ADAM18: variants seen among roughly 807,000 people sequenced by gnomAD.
ADAM18 encodes disintegrin and metalloproteinase domain-containing protein 18.
A neutral mutation model predicts 94.4 loss-of-function variants in ADAM18; 117 were observed. That is an observed-to-expected ratio of 1.24 (90% confidence interval 1.07 to 1.45). The LOEUF is 1.45. Among genes scored for constraint, ADAM18 ranks in the 40% most tolerant of loss-of-function variants. The pLI, the probability that ADAM18 is intolerant of heterozygous loss-of-function variation, is 0.00. For synonymous variants in ADAM18, 327 were observed against 291.6 expected (o/e 1.12, Z -1.24); for missense variants, 936 against 880.0 (o/e 1.06, Z -0.81).
intron 16 of ADAM18, among the ~76,000 whole-genome samples, chr8:39,689,769 C>T (rs1225684369): frequency 6.6e-6 from 1 of 152,094 alleles, no homozygotes; most frequent in Non-Finnish European, 1.5e-5. Flanking sequence ...TGACATTGAA[C>T]CTAAAAATTG....
intron 2 of ADAM18, among the ~76,000 whole-genome samples, chr8:39,595,796 T>A (rs1818725099): frequency 6.6e-6 from 1 of 152,238 alleles, no homozygotes; most frequent in Non-Finnish European, 1.5e-5. Flanking sequence ...AGTGCTGGGA[T>A]TGCAGGAGTG....
At chr8:39,678,181 T>TA (rs1339760220) in intron 15 of ADAM18, among the ~76,000 whole-genome samples, 1 of 152,118 alleles carries the variant, frequency 6.6e-6, no homozygotes, top group Non-Finnish European at 1.5e-5. Context: ...GGGAATAACA[T>TA]AAAAAATTTA....
chr8:39,712,348 C>G lies in ADAM18; in HGVS notation c.2017+5444C>G, dbSNP rs542894592. On this transcript the variant is annotated intron_variant, in intron 18 of 19. Coordinates refer to ENST00000265707, the MANE Select transcript of ADAM18 (RefSeq NM_014237.3). ...CACAGCCAATATCATACCAAATGGG[C>G]AAAAACTGGAAGCATTCCCTTTGAA... Among the ~76,000 whole-genome samples, 312 of 152,180 alleles carry G rather than the reference C, an allele frequency of 2.1e-3. 3 individuals are homozygous for G. The highest frequency in any genetic ancestry group is 3.8e-3 in the Non-Finnish European group (259 of 68,010).
Position 39,611,760 on chromosome 8 carries a change from G to A in ADAM18, c.522+1054G>A, listed in dbSNP as rs182292252. 2.0e-5 allele frequency among the ~76,000 whole-genome samples: 3 copies of A among 151,756 alleles called. No individual in the cohort carries two copies. The East Asian group carries it at 5.8e-4, about 29-fold the overall frequency. On this transcript the variant is annotated intron_variant, in intron 6 of 19. Coordinates refer to ENST00000265707, the MANE Select transcript of ADAM18 (RefSeq NM_014237.3). ...AAAAAAAGTGCCTATAGGTTGTGAT[G>A]GGAACCAAATGTATAAAAAATAGAG... is the stretch of plus-strand genomic sequence containing the variant.
chr8:39,695,192 A>G (rs529807241), intron 17 of ADAM18, among the ~76,000 whole-genome samples: 1 of 151,720 alleles, frequency 6.6e-6, no homozygotes, highest in Admixed American at 6.6e-5. Flanking sequence ...GTTGCTATAA[A>G]CACTCATTTA....
At chr8:39,687,078 C>T (rs1370714833) in intron 16 of ADAM18, among the ~76,000 whole-genome samples, 3 of 152,088 alleles carry the variant, frequency 2.0e-5, no homozygotes, top group Admixed American at 6.6e-5. Context: ...TTAAGTGAAA[C>T]ATGTTCAGTT....
chr8:39,680,667 T>C (rs1384466072), intron 16 of ADAM18, among the ~76,000 whole-genome samples: 2 of 152,208 alleles, frequency 1.3e-5, no homozygotes, highest in Non-Finnish European at 2.9e-5. Flanking sequence ...ATAGTGCATA[T>C]ACAGGCTCAT....
chr8:39,644,361 G>C (rs935163759), intron 10 of ADAM18, among the ~76,000 whole-genome samples: 1 of 152,046 alleles, frequency 6.6e-6, no homozygotes, highest in Non-Finnish European at 1.5e-5. Flanking sequence ...GGTGCAATCA[G>C]CTCACTGCAA....
chr8:39,643,977 A>G (rs923806431), intron 10 of ADAM18, among the ~76,000 whole-genome samples: 3 of 151,982 alleles, frequency 2.0e-5, no homozygotes, highest in South Asian at 2.1e-4. Flanking sequence ...ACTTTTAAGC[A>G]TATTTATTAC....
intron 6 of ADAM18, among the ~76,000 whole-genome samples, chr8:39,624,120 T>G (rs1032006444): frequency 3.3e-5 from 5 of 152,236 alleles, no homozygotes; most frequent in African/African-American, 1.2e-4. Flanking sequence ...TTTGTTCTGA[T>G]GATTACTTCT....
chr8:39,714,827 A>G (rs140553129), intron 18 of ADAM18, among the ~76,000 whole-genome samples: 8 of 152,188 alleles, frequency 5.3e-5, no homozygotes, highest in Admixed American at 2.0e-4. Context: ...TCAATATTAT[A>G]ATGAAACATT....
Position 39,665,512 on chromosome 8 carries a change from T to G in ADAM18, c.1326+1622T>G, listed in dbSNP as rs1447905767. On this transcript the variant is annotated intron_variant, in intron 13 of 19. Transcript: ENST00000265707. ...GTAAATATGGAACTTTATAGGAAATTGAAAAACAGTCTTTCAAAGCAACTG... is the reference window on the plus strand; with the variant it reads ...GTAAATATGGAACTTTATAGGAAATGGAAAAACAGTCTTTCAAAGCAACTG... 2.0e-5 allele frequency among the ~76,000 whole-genome samples: 3 copies of G among 152,212 alleles called. No homozygotes were observed. The East Asian group carries it at 5.8e-4, about 29-fold the overall frequency.
chr8:39,729,772 A>G, intron 19 of ADAM18, 126 bp from the exon 20 acceptor site: 1 of 710,610 alleles, frequency 1.4e-6, no homozygotes, highest in Non-Finnish European at 2.4e-6. Flanking sequence ...AAACTTATCT[A>G]TAATAATCTT....
intron 12 of ADAM18, among the ~76,000 whole-genome samples, chr8:39,650,658 A>T (rs1303163488): frequency 6.6e-6 from 1 of 152,238 alleles, no homozygotes; most frequent in Non-Finnish European, 1.5e-5. Context: ...ATGGAAAGAT[A>T]AACCATGTTC....
intron 2 of ADAM18, among the ~76,000 whole-genome samples, chr8:39,602,893 G>A (rs928110943): frequency 6.6e-5 from 10 of 152,116 alleles, no homozygotes; most frequent in South Asian, 2.1e-4. Flanking sequence ...GGAATACAGA[G>A]GTTTTTGTCC....
chr8:39,724,264 G>T (rs1586018744), intron 19 of ADAM18, among the ~76,000 whole-genome samples: 2 of 151,772 alleles, frequency 1.3e-5, no homozygotes, highest in Middle Eastern at 6.8e-3. Context: ...AATCCGTTCA[G>T]ATTTTCTGTT....
intron 12 of ADAM18, among the ~76,000 whole-genome samples, chr8:39,653,864 G>T (rs1212510091): frequency 6.6e-6 from 1 of 152,082 alleles, no homozygotes; most frequent in Admixed American, 6.6e-5. Flanking sequence ...TTTAAAATAT[G>T]CAATAAATAA....
chr8:39,637,049 A>ATG (rs1820096807), intron 7 of ADAM18, among the ~76,000 whole-genome samples: 1 of 116,024 alleles, frequency 8.6e-6, no homozygotes, highest in African/African-American at 3.2e-5. Context: ...ATATATATAT[A>ATG]TATATATATA....
At chr8:39,623,827 A>G (rs1819688273) in intron 6 of ADAM18, among the ~76,000 whole-genome samples, 1 of 150,666 alleles carries the variant, frequency 6.6e-6, no homozygotes, top group Admixed American at 6.6e-5. Context: ...TGATCTCCTG[A>G]CCTCGTGATC....
Sources: allele counts gnomAD v4.1 joint callset (sites outside exome capture counted in the v4.1 genomes callset), GRCh38; gene constraint gnomAD v4.1.1; transcripts MANE v1.5; gene names NCBI Gene and HGNC (gene_info 2026-07-23, HGNC 2026-07-21).